Variants in DNM2 observed in about 807,000 individuals in gnomAD.
The protein encoded by DNM2 is dynamin-2.
In DNM2, 15 loss-of-function variants were observed where a neutral mutation model predicts 99.0. The ratio of observed to expected loss-of-function variants is 0.15; its 90% CI spans 0.10 to 0.23. The LOEUF is 0.23. Ranked by LOEUF, DNM2 falls within the 10% of genes least tolerant of loss-of-function variation. The pLI is 1.00. For synonymous variants in DNM2, 525 were observed against 481.2 expected, an observed-to-expected ratio of 1.09 and a Z score of -1.19; for missense variants, 742 against 1,189.4, an observed-to-expected ratio of 0.62 and a Z score of 5.53.
At chr19:10,809,534 G>A (rs901973215) in intron 14 of DNM2, 17 of 152,368 alleles carry the variant, frequency 1.1e-4, no homozygotes, top group African/African-American at 3.9e-4. Context: ...CCAGTGTGGG[G>A]CGTGAGATGG....
intron 1 of DNM2, among the ~76,000 whole-genome samples, chr19:10,724,084 A>AG (rs2069029304): frequency 8.1e-5 from 11 of 136,004 alleles, no homozygotes; most frequent in African/African-American, 3.5e-4. Context: ...ACCTCGTCTC[A>AG]AAAAAAAAAA....
At chr19:10,749,778 C>T (rs545717584) in intron 1 of DNM2, among the ~76,000 whole-genome samples, 12 of 152,334 alleles carry the variant, frequency 7.9e-5, no homozygotes, top group African/African-American at 2.2e-4. Context: ...GAAGTCTTGG[C>T]GTGTCACAGG....
At chr19:10,767,175 C>T (rs1235650738) in intron 2 of DNM2, among the ~76,000 whole-genome samples, 1 of 150,314 alleles carries the variant, frequency 6.7e-6, no homozygotes, top group Non-Finnish European at 1.5e-5. Context: ...ACAGGGAACT[C>T]AGTGTTAAGG....
At chr19:10,783,693 A>T (rs1425317944) in intron 6 of DNM2, among the ~76,000 whole-genome samples, 13 of 131,978 alleles carry the variant, frequency 9.9e-5, no homozygotes, top group African/African-American at 3.4e-4. Flanking sequence ...TATTATTATT[A>T]TTATTATTAT....
intron 11 of DNM2, among the ~76,000 whole-genome samples, chr19:10,800,069 C>A (rs2072082342): frequency 6.6e-6 from 1 of 152,126 alleles, no homozygotes; most frequent in African/African-American, 2.4e-5. Context: ...GTTGGCCAGG[C>A]TGGTCTTGAA....
At chr19:10,774,779 ATT>A (rs546734782) in intron 3 of DNM2, among the ~76,000 whole-genome samples, 11 of 84,254 alleles carry the variant, frequency 1.3e-4, no homozygotes, top group Non-Finnish European at 1.6e-4. Flanking sequence ...TTATATATTT[ATT>A]TTTTTTTTTT....
chr19:10,759,963 C>T, intron 2 of DNM2, 152 bp downstream of exon 2: 1 of 1,084,572 alleles, frequency 9.2e-7, no homozygotes, highest in Non-Finnish European at 1.4e-6. Context: ...TGAAAAACGG[C>T]TCAGTGAACA....
At position 10,788,768 on chromosome 19, in the gene DNM2, G is replaced by A. The variant is rs116107149; in HGVS notation, c.992+2062G>A. Among the ~76,000 whole-genome samples the A allele has an allele frequency of 6.1e-3, 923 of 152,298 alleles. 6 individuals are homozygous for A. Among genetic ancestry groups the A allele is most frequent in the African/African-American group, 0.021 (877 of 41,546 alleles). On this transcript the variant is annotated intron_variant, in intron 7 of 20. Coordinates refer to ENST00000389253, the MANE Select transcript of DNM2 (RefSeq NM_001005361.3). ...GCTTTTGGCCTGTAAGGGACCTTGA[G>A]GCACTGGAACAGCTGGACCAGAGCA...
chr19:10,823,556 G>T, intron 16 of DNM2: 1 of 548,614 alleles, frequency 1.8e-6, no homozygotes, highest in Non-Finnish European at 3.3e-6. Flanking sequence ...GAAAAGAGAA[G>T]AGTCAGCTGA....
chr19:10,780,448 C>G (rs977156629), intron 5 of DNM2: 1 of 152,476 alleles, frequency 6.6e-6, no homozygotes, highest in Non-Finnish European at 1.5e-5. Context: ...GCCTCTTCCC[C>G]TTCCTCCTGA....
chr19:10,805,774 C>T lies in DNM2; in HGVS notation c.1494-142C>T, dbSNP rs149062027. Reference sequence around the variant, plus strand: ...CCCAGGCCGTTTCCCTTGCGCAGCTCTGTGTGTGCAGGGGGCTTCTCTCTG... The same window carrying T: ...CCCAGGCCGTTTCCCTTGCGCAGCTTTGTGTGTGCAGGGGGCTTCTCTCTG... On this transcript the variant is annotated intron_variant, in intron 12 of 20. Coordinates refer to ENST00000389253, the MANE Select transcript of DNM2 (RefSeq NM_001005361.3). 1.1e-4 allele frequency: 111 copies of T among 975,994 alleles called. 1 individual carries two copies. The East Asian group carries it at 1.2e-3, about 11-fold the overall frequency. 60.5% of individuals were successfully genotyped at this position (975,994 alleles called of 1,614,324 possible).
At chr19:10,756,030 C>T (rs1373323097) in intron 1 of DNM2, among the ~76,000 whole-genome samples, 1 of 152,124 alleles carries the variant, frequency 6.6e-6, no homozygotes, top group Non-Finnish European at 1.5e-5. Flanking sequence ...TACCTGTGAG[C>T]TAGGTGGCCT....
intron 1 of DNM2, among the ~76,000 whole-genome samples, chr19:10,727,352 TTTC>T (rs1357019930): frequency 6.6e-6 from 1 of 151,932 alleles, no homozygotes; most frequent in Non-Finnish European, 1.5e-5. Flanking sequence ...GAGGTTTTCT[TTTC>T]TTTTCTTTTT....
Position 10,830,899 on chromosome 19 carries a change from G to T in DNM2, c.2544-79G>T, listed in dbSNP as rs1332091003. 1.3e-5 allele frequency: 19 copies of T among 1,507,270 alleles called. No individual in the cohort carries two copies. The East Asian group carries it at 4.8e-4, about 38-fold the overall frequency. The allele number at this position is 1,507,270 out of a possible 1,614,324, so 93.4% of individuals were successfully genotyped here. A position where few individuals can be genotyped will look rare whatever the true frequency, so the allele number is the denominator to read the frequency against. ...GGGGTGGTGTGTGGGTGGGGGCTGG[G>T]TCCTCAACCCAGGCCTGCCTCTTGC... is the stretch of plus-strand genomic sequence containing the variant. On this transcript the variant is annotated intron_variant, in intron 20 of 20. Transcript: ENST00000389253. The surrounding 1 kb of genome is among the most constrained non-coding windows in gnomAD (Gnocchi z 4.8).
chr19:10,829,366 C>G (rs2073254117), intron 19 of DNM2, 98 bp downstream of exon 19: 4 of 1,453,848 alleles, frequency 2.8e-6, no homozygotes, highest in Non-Finnish European at 3.8e-6. Flanking sequence ...CAGGACACAG[C>G]CCAAGGGTGG....
At position 10,795,443 on chromosome 19, in the gene DNM2, A is replaced by C; in HGVS notation, c.1196+4A>C. On this transcript the variant is annotated splice_donor_region_variant and intron_variant, in intron 9 of 20. Transcript: ENST00000389253. This position sits in a 1 kb window ranked among gnomAD's most constrained non-coding sequence, Gnocchi z 4.2. ...TTAAGAACATCCATGGAGTCAGGCA[A>C]GTTCCACGAGGAGAGTCACCACTGT... 1.2e-6 allele frequency: 2 copies of C among 1,614,000 alleles called. No homozygotes were observed. The highest frequency in any genetic ancestry group is 1.7e-6 in the Non-Finnish European group (2 of 1,179,974).
At position 10,819,638 on chromosome 19, in the gene DNM2, G is replaced by A. The variant is rs191078882; in HGVS notation, c.1672-342G>A. The stretch of plus-strand genomic sequence containing the variant: ...ACCTAGGTCAACAAGCGCAGGATAC[G>A]TGACGTGTTGTGTGAGGGAAAAGGA... On this transcript the variant is annotated intron_variant, in intron 15 of 20. Transcript: ENST00000389253. Among the ~76,000 whole-genome samples the A allele has an allele frequency of 2.5e-3, 380 of 152,250 alleles. 3 individuals carry two copies. Among genetic ancestry groups the A allele is most frequent in the African/African-American group, 8.7e-3 (361 of 41,540 alleles).
At chr19:10,790,865 A>G (rs1366023105) in intron 7 of DNM2, among the ~76,000 whole-genome samples, 3 of 151,736 alleles carry the variant, frequency 2.0e-5, no homozygotes, top group African/African-American at 7.3e-5. Flanking sequence ...ACTTGGGCTC[A>G]GGTGATCCTC....
rs756845145 is a variant in DNM2 at position 10,829,077 on chromosome 19, C to T, written c.2100C>T (p.Tyr700=). 9 of 1,613,912 alleles carry T rather than the reference C, an allele frequency of 5.6e-6. No homozygotes were observed. Among genetic ancestry groups the T allele is most frequent in the Non-Finnish European group, 7.6e-6 (9 of 1,179,974 alleles). The change falls in exon 19 of 21, where the codon TAC becomes TAT. Residue 700 remains tyrosine (Y), a synonymous_variant. Coordinates refer to ENST00000389253, the MANE Select transcript of DNM2 (RefSeq NM_001005361.3). ...FIHHELLAYL[Y]SSADQSSLME... is the part of the protein sequence containing the mutation. ...ACCACGAGCTGCTGGCCTACCTATA[C>T]TCCTCGGCAGACCAGAGCAGCCTCA...
Sources: allele counts gnomAD v4.1 joint callset (sites outside exome capture counted in the v4.1 genomes callset), GRCh38; gene constraint gnomAD v4.1.1; non-coding constraint Gnocchi (gnomAD v3.1); transcripts MANE v1.5; gene names NCBI Gene and HGNC (gene_info 2026-07-23, HGNC 2026-07-21).